The following NAALADL2 variants were observed in gnomAD, a reference collection of about 807,000 sequenced individuals.
The protein encoded by NAALADL2 is N-acetylated alpha-linked acidic dipeptidase like 2, also known as inactive N-acetylated-alpha-linked acidic dipeptidase-like protein 2.
NAALADL2 carries 76 observed loss-of-function variants against 87.2 expected under a neutral mutation model. That is an observed-to-expected ratio of 0.87 (90% CI 0.72 to 1.05). NAALADL2 has a LOEUF of 1.05. Among genes scored for constraint, NAALADL2 ranks in the 50% least tolerant of loss-of-function variants. NAALADL2 has a pLI of 0.00. For synonymous variants in NAALADL2, 354 were observed against 331.0 expected (o/e 1.07, Z -0.75); for missense variants, 1,089 against 945.8 (o/e 1.15, Z -1.99).
intron 10 of NAALADL2, among the ~76,000 whole-genome samples, chr3:175,614,195 G>A (rs920725375): frequency 6.6e-6 from 1 of 152,146 alleles, no homozygotes; most frequent in African/African-American, 2.4e-5. Flanking sequence ...TGAGATTACA[G>A]GTGCGAGCCA....
At chr3:175,195,025 TTCTC>T (rs199512057) in intron 2 of NAALADL2, among the ~76,000 whole-genome samples, 4 of 149,450 alleles carry the variant, frequency 2.7e-5, no homozygotes, top group East Asian at 1.9e-4. Flanking sequence ...TAATTTTTAA[TTCTC>T]TCTCTCTCTC....
At chr3:175,095,118 A>T (rs1469484960) in intron 1 of NAALADL2, among the ~76,000 whole-genome samples, 2 of 152,036 alleles carry the variant, frequency 1.3e-5, no homozygotes, top group Non-Finnish European at 2.9e-5. Context: ...TCAGCCATAG[A>T]GTACCACTCT....
intron 13 of NAALADL2, among the ~76,000 whole-genome samples, chr3:175,781,406 A>G (rs1329514573): frequency 6.6e-6 from 1 of 152,134 alleles, no homozygotes; most frequent in Non-Finnish European, 1.5e-5. Flanking sequence ...TGCATGACTC[A>G]TGTGTTTGTA....
chr3:175,679,824 C>G (rs903163686), intron 11 of NAALADL2, among the ~76,000 whole-genome samples: 16 of 152,004 alleles, frequency 1.1e-4, no homozygotes, highest in Non-Finnish European at 2.4e-4. Flanking sequence ...TTCAGAGACT[C>G]AATCTGAGCA....
chr3:174,825,805 A>G (rs1401312647), intron 3 of NAALADL2, among the ~76,000 whole-genome samples: 1 of 152,174 alleles, frequency 6.6e-6, no homozygotes, highest in Non-Finnish European at 1.5e-5. Flanking sequence ...AGGTGGGCAG[A>G]TAACGAGGTC....
At chr3:175,128,648 G>C (rs1373403666) in intron 2 of NAALADL2, among the ~76,000 whole-genome samples, 1 of 152,200 alleles carries the variant, frequency 6.6e-6, no homozygotes, top group East Asian at 1.9e-4. Flanking sequence ...TCAATATCAA[G>C]ATTTAGATAT....
chr3:175,206,952 A>G (rs891765492), intron 2 of NAALADL2, among the ~76,000 whole-genome samples: 3 of 152,164 alleles, frequency 2.0e-5, no homozygotes, highest in Non-Finnish European at 4.4e-5. Flanking sequence ...ATGAAGAGAA[A>G]GCAGTGCATG....
intron 4 of NAALADL2, among the ~76,000 whole-genome samples, chr3:175,279,707 C>A (rs1754023599): frequency 6.6e-6 from 1 of 151,592 alleles, no homozygotes; most frequent in African/African-American, 2.4e-5. Flanking sequence ...GTGATAATGT[C>A]AGGAAGGCCA....
intron 1 of NAALADL2, among the ~76,000 whole-genome samples, chr3:174,872,873 T>G (rs1728013979): frequency 6.6e-6 from 1 of 152,150 alleles, no homozygotes; most frequent in South Asian, 2.1e-4. Context: ...GTTTGTGAGT[T>G]TGGATAACTC....
chr3:175,632,266 T>TTCTCTCTCTCTCTCTCTC (rs61458338), intron 11 of NAALADL2, among the ~76,000 whole-genome samples: 5 of 129,472 alleles, frequency 3.9e-5, no homozygotes, highest in African/African-American at 1.3e-4. Flanking sequence ...CACTTTCCCC[T>TTCTCTCTCTCTCTCTCTC]TCTCTCTCTC....
chr3:174,888,640 G>A (rs1455884794), intron 1 of NAALADL2, among the ~76,000 whole-genome samples: 1 of 152,144 alleles, frequency 6.6e-6, no homozygotes, highest in Non-Finnish European at 1.5e-5. Flanking sequence ...CCTATCATTC[G>A]GGGCATTTAT....
chr3:175,350,480 G>A (rs562384087), intron 5 of NAALADL2, among the ~76,000 whole-genome samples: 2 of 152,258 alleles, frequency 1.3e-5, no homozygotes, highest in South Asian at 4.1e-4. Flanking sequence ...GGGCAAACAT[G>A]TTTCAAAGGA....
At chr3:175,294,174 A>T (rs1001011651) in intron 4 of NAALADL2, among the ~76,000 whole-genome samples, 3 of 152,250 alleles carry the variant, frequency 2.0e-5, no homozygotes, top group African/African-American at 7.2e-5. Flanking sequence ...AGAAGCTGCT[A>T]AAGGCACCAA....
At chr3:174,983,044 T>C (rs1162489263) in intron 1 of NAALADL2, among the ~76,000 whole-genome samples, 1 of 152,124 alleles carries the variant, frequency 6.6e-6, no homozygotes, top group Non-Finnish European at 1.5e-5. Flanking sequence ...GTGATCCGCC[T>C]GCCTCGGCCT....
At chr3:174,774,767 C>G (rs879875374) in intron 3 of NAALADL2, among the ~76,000 whole-genome samples, 1 of 152,168 alleles carries the variant, frequency 6.6e-6, no homozygotes, top group Non-Finnish European at 1.5e-5. Context: ...TGAACATCTT[C>G]AGCTATTTTA....
At chr3:175,667,013 GT>G (rs1733097390) in intron 11 of NAALADL2, among the ~76,000 whole-genome samples, 1 of 151,464 alleles carries the variant, frequency 6.6e-6, no homozygotes, top group Admixed American at 6.6e-5. Context: ...GCATGGTGTG[GT>G]AAATATCCTA....
intron 10 of NAALADL2, among the ~76,000 whole-genome samples, chr3:175,620,170 G>T (rs1042895850): frequency 1.3e-5 from 2 of 151,998 alleles, no homozygotes; most frequent in African/African-American, 4.8e-5. Flanking sequence ...GATTCCTTTG[G>T]TGCCACTTTG....
chr3:174,528,185 C>T (rs1459236295), intron 1 of NAALADL2, among the ~76,000 whole-genome samples: 1 of 152,152 alleles, frequency 6.6e-6, no homozygotes, highest in Admixed American at 6.5e-5. Context: ...AGAATATTTT[C>T]TCCTCTAGAT....
At position 174,988,444 on chromosome 3, in the gene NAALADL2, A is replaced by G. The variant is rs541385554; in HGVS notation, c.44-108346A>G. ...ATAATCCCTACTTTTTGAAATGAAC[A>G]AAAAAATGAACTAAAAGTTTAAAAT... On this transcript the variant is annotated intron_variant, in intron 1 of 13. Coordinates refer to ENST00000454872, the MANE Select transcript of NAALADL2 (RefSeq NM_207015.3). Among the ~76,000 whole-genome samples, 7 of 152,300 alleles carry G rather than the reference A, an allele frequency of 4.6e-5. No homozygotes were observed. The Middle Eastern group carries it at 0.01, about 222-fold the overall frequency.
Sources: allele counts gnomAD v4.1 joint callset (sites outside exome capture counted in the v4.1 genomes callset), GRCh38; gene constraint gnomAD v4.1.1; transcripts MANE v1.5; gene names NCBI Gene and HGNC (gene_info 2026-07-23, HGNC 2026-07-21).